Variants in PFDN1 observed in about 807,000 individuals in gnomAD.
PFDN1 encodes prefoldin subunit 1.
PFDN1 carries 6 observed loss-of-function variants against 17.3 expected under a neutral mutation model. The observed-to-expected ratio is 0.35, with a 90% CI of 0.19 to 0.69. The LOEUF is 0.69. Ranked by LOEUF, PFDN1 falls within the 30% of genes least tolerant of loss-of-function variation. PFDN1 has a pLI of 0.65. For missense variants in PFDN1, 113 were observed against 146.2 expected (o/e 0.77, Z 1.17); for synonymous variants, 58 against 50.1 (o/e 1.16, Z -0.67).
At position 140,300,503 on chromosome 5, in the gene PFDN1, T is replaced by C. The variant is rs372645557; in HGVS notation, c.113A>G (p.Asn38Ser). The C allele has an allele frequency of 6.2e-7, 1 of 1,612,930 alleles. No homozygotes were observed. Among genetic ancestry groups the C allele is most frequent in the African/African-American group, 1.3e-5 (1 of 75,036 alleles). The part of the protein sequence containing the change: ...KLADIQIEQL[N>S]RTKKHAHLTD... The stretch of plus-strand genomic sequence containing the variant: ...AAGATGTGCATGCTTTTTCGTTCTG[T>C]TTAGCTGTTCAATCTGTATGTCTGC... The change falls in exon 2 of 4, where the codon AAC becomes AGC. Residue 38 changes from asparagine to serine, a missense_variant. Physicochemically the swap from Asn to Ser is conservative, Grantham distance 46. Transcript: ENST00000261813.
At chr5:140,271,811 C>T (rs1478744453) in intron 3 of PFDN1, among the ~76,000 whole-genome samples, 1 of 151,902 alleles carries the variant, frequency 6.6e-6, no homozygotes, top group African/African-American at 2.4e-5. Context: ...AGAGATAACA[C>T]AGATATACTT....
intron 2 of PFDN1, among the ~76,000 whole-genome samples, chr5:140,290,495 G>A (rs1038149711): frequency 6.6e-6 from 1 of 152,158 alleles, no homozygotes; most frequent in Non-Finnish European, 1.5e-5. Context: ...CCCTGAGGAG[G>A]CCTGACCTAT....
In PFDN1 at chr5:140,281,490, C is replaced by G. The variant is rs780599850; in HGVS notation, c.244G>C (p.Glu82Gln). The change falls in exon 3 of 4, where the codon GAG (glutamate) becomes CAG (glutamine). Residue 82 changes from glutamate (E) to glutamine (Q), a missense_variant. Coordinates refer to ENST00000261813, the MANE Select transcript of PFDN1 (RefSeq NM_002622.5). ...SKEAIHSQLLEKQKIAEEKIK... is the reference protein window; with the variant it reads ...SKEAIHSQLLQKQKIAEEKIK... ...TTTTCTTCTGCTATTTTCTGCTTCTCTAACAGCTGACTGTGAATTGCTTCC... is the reference window on the plus strand; with the variant it reads ...TTTTCTTCTGCTATTTTCTGCTTCTGTAACAGCTGACTGTGAATTGCTTCC... The G allele has an allele frequency of 8.8e-6, 14 of 1,596,678 alleles. No homozygotes were observed. The highest frequency in any genetic ancestry group is 1.2e-5 in the Non-Finnish European group (14 of 1,164,942).
At chr5:140,280,018 A>AAAAAAAAAAAAAAAAC (rs1765371191) in intron 3 of PFDN1, among the ~76,000 whole-genome samples, 1 of 147,464 alleles carries the variant, frequency 6.8e-6, no homozygotes, top group Non-Finnish European at 1.5e-5. Flanking sequence ...AAAAAACAAA[A>AAAAAAAAAAAAAAAAC]AAAGAAAAGA....
chr5:140,256,168 A>G (rs767982871), intron 3 of PFDN1, among the ~76,000 whole-genome samples: 2 of 152,056 alleles, frequency 1.3e-5, no homozygotes, highest in Admixed American at 6.5e-5. Context: ...TGCATTTCCC[A>G]AGAAGCTGTC....
intron 2 of PFDN1, chr5:140,292,914 T>A (rs1020263013): frequency 6.6e-6 from 1 of 152,138 alleles, no homozygotes; most frequent in African/African-American, 2.4e-5. Flanking sequence ...AAGTCAATAT[T>A]TTTCTGAGCT....
chr5:140,271,392 T>C (rs893356868), intron 3 of PFDN1, among the ~76,000 whole-genome samples: 1 of 152,154 alleles, frequency 6.6e-6, no homozygotes, highest in African/African-American at 2.4e-5. Context: ...TCCCAATATA[T>C]GCACAATAAG....
intron 3 of PFDN1, among the ~76,000 whole-genome samples, chr5:140,264,845 C>CA (rs1490515856): frequency 6.6e-6 from 1 of 151,888 alleles, no homozygotes; most frequent in Non-Finnish European, 1.5e-5. Flanking sequence ...AGCTCATCTC[C>CA]AAAAAATAAA....
intron 3 of PFDN1, among the ~76,000 whole-genome samples, chr5:140,271,948 T>A (rs1320545647): frequency 1.3e-5 from 2 of 148,706 alleles, no homozygotes; most frequent in Admixed American, 1.3e-4. Context: ...AATACATATA[T>A]ACATAATATA....
At chr5:140,251,676 G>A (rs1312954596) in intron 3 of PFDN1, among the ~76,000 whole-genome samples, 1 of 152,218 alleles carries the variant, frequency 6.6e-6, no homozygotes, top group African/African-American at 2.4e-5. Flanking sequence ...TCTGGGTGCA[G>A]CGACATTCTT....
intron 3 of PFDN1, among the ~76,000 whole-genome samples, chr5:140,271,126 G>T (rs1349236527): frequency 1.3e-5 from 2 of 152,066 alleles, no homozygotes; most frequent in Non-Finnish European, 2.9e-5. Context: ...GAGCATATAT[G>T]GTGGGCTTTT....
chr5:140,290,830 T>C (rs982778684), intron 2 of PFDN1, among the ~76,000 whole-genome samples: 3 of 152,174 alleles, frequency 2.0e-5, no homozygotes, highest in African/African-American at 7.2e-5. Context: ...ATGCTGATTC[T>C]TTAAGAAAGA....
chr5:140,282,305 TACAA>T (rs1210966646), intron 2 of PFDN1, among the ~76,000 whole-genome samples: 3 of 151,044 alleles, frequency 2.0e-5, no homozygotes, highest in African/African-American at 2.4e-5. Flanking sequence ...AAAGTCAACA[TACAA>T]ACAAATACCC....
chr5:140,249,984 AC>A (rs1561491377), intron 3 of PFDN1, among the ~76,000 whole-genome samples: 2 of 151,866 alleles, frequency 1.3e-5, no homozygotes, highest in East Asian at 3.9e-4. Flanking sequence ...GGGCAAAGAA[AC>A]CCTATGCACA....
chr5:140,276,443 CT>C (rs1007146249), intron 3 of PFDN1, among the ~76,000 whole-genome samples: 5 of 152,120 alleles, frequency 3.3e-5, no homozygotes, highest in Middle Eastern at 3.2e-3. Flanking sequence ...GAGATAACTA[CT>C]TTTCGAAGAT....
At position 140,281,424 on chromosome 5, in the gene PFDN1, A is replaced by G. The variant is rs1469579174; in HGVS notation, c.285+25T>C. On this transcript the variant is annotated intron_variant, in intron 3 of 3. Coordinates refer to ENST00000261813, the MANE Select transcript of PFDN1 (RefSeq NM_002622.5). Reference sequence around the variant, plus strand: ...GATTACTACTTTCTCCCAAAAGTTAACTCCTATTGCCAATAAAAACTTACT... The same window carrying G: ...GATTACTACTTTCTCCCAAAAGTTAGCTCCTATTGCCAATAAAAACTTACT... 5 of 993,742 alleles carry G rather than the reference A, an allele frequency of 5.0e-6. No homozygotes were observed. In the East Asian group the frequency reaches 9.5e-5, roughly 19 times the overall value. 61.6% of individuals were successfully genotyped at this position (993,742 alleles called of 1,614,324 possible).
intron 3 of PFDN1, among the ~76,000 whole-genome samples, chr5:140,271,793 C>A (rs898851304): frequency 3.3e-5 from 5 of 151,950 alleles, no homozygotes; most frequent in Non-Finnish European, 5.9e-5. Context: ...GAACAACTCA[C>A]AATCTCAAGA....
At chr5:140,256,658 C>CAAAAAAAAAAAAAAAAAAAAAAA (rs757723797) in intron 3 of PFDN1, among the ~76,000 whole-genome samples, 3 of 39,894 alleles carry the variant, frequency 7.5e-5, no homozygotes, top group Non-Finnish European at 1.0e-4. Flanking sequence ...CAAAAAATGA[C>CAAAAAAAAAAAAAAAAAAAAAAA]AAAAAAAAAA....
chr5:140,265,019 A>G (rs1765116678), intron 3 of PFDN1, among the ~76,000 whole-genome samples: 1 of 152,212 alleles, frequency 6.6e-6, no homozygotes, highest in Non-Finnish European at 1.5e-5. Flanking sequence ...TGCCCATGTT[A>G]GTACCCACCT....
Sources: gnomAD v4.1 joint callset for allele counts (sites outside exome capture counted in the v4.1 genomes callset) on GRCh38, gnomAD v4.1.1 for gene constraint, MANE v1.5 for transcripts, NCBI Gene and HGNC (gene_info 2026-07-23, HGNC 2026-07-21) for gene names.